The following SLC9A9 variants were observed in gnomAD, a reference collection of about 807,000 sequenced individuals.
The protein encoded by SLC9A9 is solute carrier family 9 member A9.
SLC9A9 carries 62 observed loss-of-function variants against 77.8 expected under a neutral mutation model. The observed-to-expected ratio is 0.80, with a 90% CI of 0.65 to 0.98. SLC9A9 has a LOEUF of 0.98. Ranked by LOEUF, SLC9A9 falls within the 50% of genes least tolerant of loss-of-function variation. The pLI is 0.00. For missense variants in SLC9A9, 775 were observed against 774.9 expected, an observed-to-expected ratio of 1.00 and a Z score of 0.00; for synonymous variants, 320 against 283.5, an observed-to-expected ratio of 1.13 and a Z score of -1.29.
chr3:143,749,015 T>C (rs1200400607), intron 4 of SLC9A9, among the ~76,000 whole-genome samples: 3 of 152,198 alleles, frequency 2.0e-5, no homozygotes, highest in Non-Finnish European at 4.4e-5. Flanking sequence ...ACCAAGCTTT[T>C]TAACTGAACT....
intron 14 of SLC9A9, among the ~76,000 whole-genome samples, chr3:143,299,619 A>G (rs1196858008): frequency 3.3e-5 from 5 of 151,932 alleles, no homozygotes; most frequent in Admixed American, 3.3e-4. Context: ...AATTTTTTGT[A>G]TTTTTAGTAG....
At chr3:143,676,360 A>C (rs1932886830) in intron 5 of SLC9A9, among the ~76,000 whole-genome samples, 1 of 152,196 alleles carries the variant, frequency 6.6e-6, no homozygotes, top group Non-Finnish European at 1.5e-5. Context: ...AACAATGTTA[A>C]ATTAGATGTT....
At chr3:143,530,588 G>A (rs1051052149) in intron 9 of SLC9A9, among the ~76,000 whole-genome samples, 1 of 151,982 alleles carries the variant, frequency 6.6e-6, no homozygotes, top group Admixed American at 6.6e-5. Flanking sequence ...GAAAAACCTT[G>A]ACCAAATGGA....
At chr3:143,792,467 TAA>T (rs887603917) in intron 4 of SLC9A9, among the ~76,000 whole-genome samples, 2 of 152,210 alleles carry the variant, frequency 1.3e-5, no homozygotes, top group African/African-American at 4.8e-5. Context: ...AAGACAAGTG[TAA>T]AGTCACCCAT....
intron 2 of SLC9A9, among the ~76,000 whole-genome samples, chr3:143,820,925 T>C (rs2108880784): frequency 6.7e-6 from 1 of 149,738 alleles, no homozygotes; most frequent in African/African-American, 2.5e-5. Flanking sequence ...TTTTTTTGAG[T>C]TTGCATTATC....
intron 5 of SLC9A9, among the ~76,000 whole-genome samples, chr3:143,692,477 T>C (rs962014711): frequency 3.9e-5 from 6 of 151,992 alleles, no homozygotes; most frequent in Non-Finnish European, 7.4e-5. Context: ...GATGAGAGAG[T>C]GGGTGTGGAG....
At chr3:143,267,000 T>C (rs894290659) in intron 15 of SLC9A9, 71 bp from the exon 16 acceptor site, 3 of 1,482,300 alleles carry the variant, frequency 2.0e-6, no homozygotes, top group African/African-American at 2.9e-5. Flanking sequence ...CTACAATTTT[T>C]TTTTTTTTTT....
intron 4 of SLC9A9, among the ~76,000 whole-genome samples, chr3:143,749,632 C>T (rs576874055): frequency 2.0e-5 from 3 of 152,250 alleles, no homozygotes; most frequent in Non-Finnish European, 4.4e-5. Flanking sequence ...GCTAGAGTTG[C>T]GGAGAATGGT....
intron 9 of SLC9A9, among the ~76,000 whole-genome samples, chr3:143,509,012 A>G (rs1236530967): frequency 6.6e-6 from 1 of 152,222 alleles, no homozygotes; most frequent in African/African-American, 2.4e-5. Flanking sequence ...ATAAAAAGCT[A>G]CAACAAACAG....
intron 6 of SLC9A9, among the ~76,000 whole-genome samples, chr3:143,579,995 G>T (rs918666846): frequency 6.6e-6 from 1 of 152,190 alleles, no homozygotes; most frequent in African/African-American, 2.4e-5. Flanking sequence ...CCTGTAATTG[G>T]ATAAGGAAGA....
intron 5 of SLC9A9, among the ~76,000 whole-genome samples, chr3:143,663,172 G>T (rs1299711428): frequency 6.6e-6 from 1 of 152,206 alleles, no homozygotes; most frequent in African/African-American, 2.4e-5. Flanking sequence ...CAGGCAAACA[G>T]GGTCTGCAGT....
chr3:143,522,168 A>G (rs2036312671), intron 9 of SLC9A9, among the ~76,000 whole-genome samples: 1 of 152,160 alleles, frequency 6.6e-6, no homozygotes, highest in Non-Finnish European at 1.5e-5. Flanking sequence ...TGAGGTTTAA[A>G]TTTCTTAGGA....
At chr3:143,581,067 A>G (rs2037442692) in intron 6 of SLC9A9, among the ~76,000 whole-genome samples, 1 of 152,262 alleles carries the variant, frequency 6.6e-6, no homozygotes, top group African/African-American at 2.4e-5. Flanking sequence ...CCCAGTGTTA[A>G]GTGTGATTTT....
chr3:143,423,214 C>T (rs1004395863), intron 12 of SLC9A9, among the ~76,000 whole-genome samples: 7 of 100,872 alleles, frequency 6.9e-5, no homozygotes, highest in Non-Finnish European at 1.3e-4. Context: ...CTCACACACA[C>T]GTACACACAC....
chr3:143,398,372 G>T (rs2033775880), intron 12 of SLC9A9, among the ~76,000 whole-genome samples: 1 of 152,118 alleles, frequency 6.6e-6, no homozygotes, highest in African/African-American at 2.4e-5. Context: ...GGGAACAAAA[G>T]CCTAAGGCCA....
chr3:143,419,641 G>C (rs572993137), intron 12 of SLC9A9, among the ~76,000 whole-genome samples: 1 of 152,258 alleles, frequency 6.6e-6, no homozygotes, highest in South Asian at 2.1e-4. Context: ...CCCTGTGTTA[G>C]CGTGGGTGAG....
intron 11 of SLC9A9, among the ~76,000 whole-genome samples, chr3:143,474,964 T>G (rs2035447293): frequency 6.6e-6 from 1 of 151,250 alleles, no homozygotes; most frequent in Non-Finnish European, 1.5e-5. Context: ...CCCAGGTTTT[T>G]TTTTTTTTTT....
chr3:143,764,272 G>GC (rs936003932), intron 4 of SLC9A9, among the ~76,000 whole-genome samples: 9 of 152,098 alleles, frequency 5.9e-5, no homozygotes, highest in African/African-American at 2.2e-4. Context: ...TCTATGTCAT[G>GC]CCCCCACCCA....
At position 143,303,063 on chromosome 3, in the gene SLC9A9, C is replaced by T. The variant is rs559291963; in HGVS notation, c.1605-34083G>A. 7.9e-5 allele frequency among the ~76,000 whole-genome samples: 12 copies of T among 152,316 alleles called. No individual in the cohort carries two copies. The South Asian group carries it at 2.1e-3, about 26-fold the overall frequency. On this transcript the variant is annotated intron_variant, in intron 14 of 15. Coordinates refer to ENST00000316549, the MANE Select transcript of SLC9A9 (RefSeq NM_173653.4). Reference sequence around the variant, plus strand: ...ACTGGCTCTCCAGGCATTTCCCTTCCGGACTTCCAGTGTGACACACACGCT... The same window carrying T: ...ACTGGCTCTCCAGGCATTTCCCTTCTGGACTTCCAGTGTGACACACACGCT...
Sources: gnomAD v4.1 joint callset for allele counts (sites outside exome capture counted in the v4.1 genomes callset) on GRCh38, gnomAD v4.1.1 for gene constraint, MANE v1.5 for transcripts, NCBI Gene and HGNC (gene_info 2026-07-23, HGNC 2026-07-21) for gene names.